Variants in RBFOX3 observed in about 807,000 individuals in gnomAD.
RBFOX3 encodes RNA binding fox-1 homolog 3.
Under a neutral mutation model 48.7 loss-of-function variants are expected in RBFOX3, and 17 were observed. That is an observed-to-expected ratio of 0.35 (90% confidence interval 0.24 to 0.52). The LOEUF (loss-of-function observed/expected upper bound fraction) is 0.52, where lower values mean the gene tolerates loss of function less well. Among genes scored for constraint, RBFOX3 ranks in the 20% least tolerant of loss-of-function variants. The pLI, the probability that RBFOX3 is intolerant of heterozygous loss-of-function variation, is 0.94. For missense variants in RBFOX3, 382 were observed against 497.5 expected (o/e 0.77, Z 2.21); for synonymous variants, 212 against 209.5 (o/e 1.01, Z -0.10).
chr17:79,654,145 T>G, the RBFOX3 span, among the ~76,000 whole-genome samples: 33 of 152,316 alleles, frequency 2.2e-4, no homozygotes, highest in African/African-American at 7.9e-4. Flanking sequence ...TGCAAAGGCC[T>G]TCCAGTTTTC....
chr17:79,570,125 G>T (rs2092618267), intron 1 of RBFOX3, among the ~76,000 whole-genome samples: 1 of 150,466 alleles, frequency 6.6e-6, no homozygotes, highest in African/African-American at 2.4e-5. Context: ...ATTATGGATG[G>T]TAGATGGATG....
chr17:79,651,560 G>C, the RBFOX3 span, among the ~76,000 whole-genome samples: 3 of 151,826 alleles, frequency 2.0e-5, no homozygotes, highest in African/African-American at 7.3e-5. Flanking sequence ...TTAAGCTACA[G>C]AAGATGCTGC....
At position 79,473,684 on chromosome 17, in the gene RBFOX3, A is replaced by T. The variant is rs1190353987; in HGVS notation, c.-175+8770T>A. ...TGGCCACACCCTGCAAGCTCCCTGT[A>T]ATTCCAGCCATTACTCAGCAATGCT... On this transcript the variant is annotated intron_variant, in intron 2 of 14. Coordinates refer to ENST00000693108, the MANE Select transcript of RBFOX3 (RefSeq NM_001350451.2). This position sits in a 1 kb window ranked among gnomAD's most constrained non-coding sequence, Gnocchi z 4.2. Among the ~76,000 whole-genome samples the T allele has an allele frequency of 1.3e-5, 2 of 152,184 alleles. No homozygotes were observed. The highest frequency in any genetic ancestry group is 4.8e-5 in the African/African-American group (2 of 41,438).
rs1181780039 is a variant in RBFOX3 at position 79,553,713 on chromosome 17, G to GT, written c.-320+57112dup. Reference sequence around the variant, plus strand: ...TATGTGTTCCTTGGGTTTTCTTGGGGTTTTTTTGTTTGTTTGTTTTCGTTT... The same window carrying GT: ...TATGTGTTCCTTGGGTTTTCTTGGGGTTTTTTTTGTTTGTTTGTTTTCGTTT... On this transcript the variant is annotated intron_variant, in intron 1 of 14. Coordinates refer to ENST00000693108, the MANE Select transcript of RBFOX3 (RefSeq NM_001350451.2). Among the ~76,000 whole-genome samples, 6 of 151,968 alleles carry GT rather than the reference G, an allele frequency of 3.9e-5. No individual in the cohort carries two copies. The South Asian group carries it at 6.2e-4, about 16-fold the overall frequency.
chr17:79,218,997 C>T (rs1290545741), intron 4 of RBFOX3, among the ~76,000 whole-genome samples: 5 of 152,308 alleles, frequency 3.3e-5, no homozygotes, highest in South Asian at 2.1e-4. Context: ...ATGGCTCCTG[C>T]GGCCTCAGCC....
chr17:79,597,635 C>T (rs958751261), intron 1 of RBFOX3, among the ~76,000 whole-genome samples: 9 of 152,168 alleles, frequency 5.9e-5, no homozygotes, highest in Non-Finnish European at 1.2e-4. Flanking sequence ...CACTACAGCC[C>T]GACACTTAGA....
Position 79,546,361 on chromosome 17 carries a change from T to C in RBFOX3, c.-319-63763A>G, listed in dbSNP as rs1419206367. Among the ~76,000 whole-genome samples, 3 of 152,248 alleles carry C rather than the reference T, an allele frequency of 2.0e-5. No homozygotes were observed. In the East Asian group the frequency reaches 5.8e-4, roughly 29 times the overall value. On this transcript the variant is annotated intron_variant, in intron 1 of 14. Coordinates refer to ENST00000693108, the MANE Select transcript of RBFOX3 (RefSeq NM_001350451.2). ...CCCTTTTCATCCACACAAACGGCCA[T>C]CAGATGAACGTCATCACCAGTGCCC...
chr17:79,090,527 A>C lies in RBFOX3; in HGVS notation c.*356T>G. The C allele has an allele frequency of 6.9e-6, 2 of 287,964 alleles. No individual in the cohort carries two copies. Among genetic ancestry groups the C allele is most frequent in the South Asian group, 7.7e-5 (1 of 12,976 alleles). 17.8% of individuals were successfully genotyped at this position (287,964 alleles called of 1,614,324 possible). ...TCTGTCTTGGGAGTTGGGGGCTGGG[A>C]AAGGAAGACTGGATGGAAAACAGAG... On this transcript the variant is annotated 3_prime_UTR_variant, in exon 15 of 15. Transcript: ENST00000693108.
chr17:79,595,360 G>A (rs1384701906), intron 1 of RBFOX3, among the ~76,000 whole-genome samples: 4 of 152,206 alleles, frequency 2.6e-5, no homozygotes, highest in African/African-American at 9.7e-5. Flanking sequence ...ACCGCTCGCT[G>A]GGCACCTGCT....
At chr17:79,592,948 G>C (rs1015628144) in intron 1 of RBFOX3, among the ~76,000 whole-genome samples, 9 of 152,096 alleles carry the variant, frequency 5.9e-5, no homozygotes, top group African/African-American at 1.7e-4. Context: ...ATGGCCCCCT[G>C]CACTCCTGAC....
chr17:79,191,496 TC>T (rs2054512772), intron 4 of RBFOX3, among the ~76,000 whole-genome samples: 1 of 152,078 alleles, frequency 6.6e-6, no homozygotes, highest in African/African-American at 2.4e-5. Flanking sequence ...CATTAAAAGC[TC>T]ATTAGGAGCC....
chr17:79,576,802 T>C (rs903628332), intron 1 of RBFOX3, among the ~76,000 whole-genome samples: 4,709 of 152,142 alleles, frequency 0.031, 250 homozygotes, highest in African/African-American at 0.11. Flanking sequence ...ATGGAGATCA[T>C]GGAGAAGATG....
chr17:79,255,381 TCAA>T (rs1216823786), intron 3 of RBFOX3, among the ~76,000 whole-genome samples: 1 of 151,964 alleles, frequency 6.6e-6, no homozygotes, highest in Non-Finnish European at 1.5e-5. Flanking sequence ...CGTGGACACT[TCAA>T]CATCTGCCCT....
the RBFOX3 span, among the ~76,000 whole-genome samples, chr17:79,652,628 GGGAAAAA>G: frequency 9.5e-5 from 2 of 21,110 alleles, no homozygotes; most frequent in African/African-American, 1.5e-4. Context: ...AAAGGGAAAA[GGGAAAAA>G]GAAAGATTGA....
At chr17:79,227,360 C>A (rs1018467207) in intron 4 of RBFOX3, among the ~76,000 whole-genome samples, 1 of 152,186 alleles carries the variant, frequency 6.6e-6, no homozygotes, top group Non-Finnish European at 1.5e-5. Flanking sequence ...ATCCCATGGA[C>A]CAGATGGAGG....
intron 1 of RBFOX3, chr17:79,598,356 GCACACATGTGCACACATA>G (rs2093620995): frequency 6.7e-6 from 1 of 150,358 alleles, no homozygotes; most frequent in Non-Finnish European, 1.5e-5. Flanking sequence ...ACACATACAT[GCACACATGTGCACACATA>G]CATGCACATG....
At chr17:79,296,984 T>G (rs1004507492) in intron 3 of RBFOX3, among the ~76,000 whole-genome samples, 2 of 136,894 alleles carry the variant, frequency 1.5e-5, no homozygotes, top group African/African-American at 2.7e-5. Flanking sequence ...CTCCTCTTCC[T>G]CCTCCCCATC....
At chr17:79,138,393 GCACACTCTCATACTGTGAACACTCACTC>G (rs1329848614) in intron 4 of RBFOX3, among the ~76,000 whole-genome samples, 1 of 151,820 alleles carries the variant, frequency 6.6e-6, no homozygotes, top group Non-Finnish European at 1.5e-5. Context: ...CATACACAGT[GCACACTCTCATACTGTGAACACTCACTC>G]CACACTCTCA....
chr17:79,422,724 G>T (rs2066647389), intron 2 of RBFOX3, among the ~76,000 whole-genome samples: 1 of 151,610 alleles, frequency 6.6e-6, no homozygotes, highest in South Asian at 2.1e-4. Flanking sequence ...ACCTGTTAGG[G>T]TCTAAATTGT....
Sources: gnomAD v4.1 joint callset for allele counts (sites outside exome capture counted in the v4.1 genomes callset) on GRCh38, gnomAD v4.1.1 for gene constraint, Gnocchi (gnomAD v3.1) non-coding constraint, MANE v1.5 for transcripts, NCBI Gene and HGNC (gene_info 2026-07-23, HGNC 2026-07-21) for gene names.